Variants in LAMA2 observed in about 807,000 individuals in gnomAD.
The protein encoded by LAMA2 is laminin subunit alpha 2, also known as laminin subunit alpha-2.
In LAMA2, 269 loss-of-function variants were observed where a neutral mutation model predicts 364.8. The observed-to-expected ratio is 0.74, with a 90% CI of 0.67 to 0.82. The LOEUF is 0.82. LAMA2 is among the 40% of genes least tolerant of loss of function. LAMA2 has a pLI of 0.00. For missense variants in LAMA2, 3,807 were observed against 3,873.2 expected, an observed-to-expected ratio of 0.98 and a Z score of 0.45; for synonymous variants, 1,379 against 1,370.6, an observed-to-expected ratio of 1.01 and a Z score of -0.14.
rs1393087449 is a variant in LAMA2, at chr6:129,393,035, G to T, written c.5235-10G>T. On this transcript the variant is annotated splice_polypyrimidine_tract_variant and intron_variant, in intron 36 of 64. Coordinates refer to ENST00000421865, the MANE Select transcript of LAMA2 (RefSeq NM_000426.4). Reference sequence around the variant, plus strand: ...CTCATTGTCTATTATTGGGCTGGGGGTGGTTACAGAGCTGCAGAAGCCCTT... The same window carrying T: ...CTCATTGTCTATTATTGGGCTGGGGTTGGTTACAGAGCTGCAGAAGCCCTT... 2 of 1,610,796 alleles carry T rather than the reference G, an allele frequency of 1.2e-6. No individual in the cohort carries two copies. Among genetic ancestry groups the T allele is most frequent in the Non-Finnish European group, 8.5e-7 (1 of 1,178,132 alleles).
intron 1 of LAMA2, among the ~76,000 whole-genome samples, chr6:129,037,862 G>A (rs1786772240): frequency 6.6e-6 from 1 of 151,790 alleles, no homozygotes. Flanking sequence ...GTAGAGACAG[G>A]GTTTCACCGT....
chr6:129,103,312 T>C lies in LAMA2; in HGVS notation c.639+4897T>C, dbSNP rs1011575951. 3.3e-5 allele frequency among the ~76,000 whole-genome samples: 5 copies of C among 152,344 alleles called. No homozygotes were observed. In the Middle Eastern group the frequency reaches 0.01, roughly 311 times the overall value. On this transcript the variant is annotated intron_variant, in intron 4 of 64. Coordinates refer to ENST00000421865, the MANE Select transcript of LAMA2 (RefSeq NM_000426.4). ...TTTAATTTTTTTTATTTTGGAATTA[T>C]GTTAAGTTTACACACATGTATGAAG... is the stretch of plus-strand genomic sequence containing the variant.
intron 55 of LAMA2, among the ~76,000 whole-genome samples, chr6:129,483,322 G>A (rs116244437): frequency 0.012 from 1,766 of 151,894 alleles, 27 homozygotes; most frequent in African/African-American, 0.04. Context: ...TATTTTGACT[G>A]CACTGATCTT....
intron 17 of LAMA2, among the ~76,000 whole-genome samples, chr6:129,276,392 G>A (rs1788330400): frequency 6.6e-6 from 1 of 152,018 alleles, no homozygotes; most frequent in Admixed American, 6.6e-5. Context: ...ACAATCCCAA[G>A]AAGCAATTCA....
intron 1 of LAMA2, among the ~76,000 whole-genome samples, chr6:129,025,215 CT>C (rs1785727135): frequency 6.6e-6 from 1 of 152,098 alleles, no homozygotes; most frequent in Non-Finnish European, 1.5e-5. Context: ...TGTACTTCCA[CT>C]TTTTTACATA....
At chr6:129,301,891 T>G (rs1186154951) in intron 22 of LAMA2, among the ~76,000 whole-genome samples, 1 of 152,150 alleles carries the variant, frequency 6.6e-6, no homozygotes, top group Non-Finnish European at 1.5e-5. Flanking sequence ...GTAGTCTGTT[T>G]TTTTGAGGGG....
intron 61 of LAMA2, 128 bp from the exon 62 acceptor site, chr6:129,507,360 TG>T: frequency 1.1e-6 from 1 of 948,310 alleles, no homozygotes. Context: ...CAGGCAGCTT[TG>T]GGGGATATCC....
chr6:129,343,540 G>A (rs1414805089), intron 30 of LAMA2, among the ~76,000 whole-genome samples: 1 of 152,090 alleles, frequency 6.6e-6, no homozygotes, highest in African/African-American at 2.4e-5. Flanking sequence ...GTATGTGTAT[G>A]AAAAATAACA....
chr6:129,097,679 G>A (rs1024873053), intron 3 of LAMA2, among the ~76,000 whole-genome samples: 2 of 152,178 alleles, frequency 1.3e-5, no homozygotes, highest in Non-Finnish European at 2.9e-5. Context: ...TCTGAACATA[G>A]GAATGTGTTT....
At chr6:129,400,370 A>C (rs1320341664) in intron 37 of LAMA2, among the ~76,000 whole-genome samples, 1 of 152,188 alleles carries the variant, frequency 6.6e-6, no homozygotes, top group African/African-American at 2.4e-5. Context: ...AGTGATCAAC[A>C]TGGGATCCAA....
chr6:129,096,335 G>A (rs1433270712), intron 3 of LAMA2, among the ~76,000 whole-genome samples: 1 of 152,024 alleles, frequency 6.6e-6, no homozygotes, highest in East Asian at 1.9e-4. Context: ...TTATTTAAAA[G>A]TAAAACATTT....
chr6:129,287,721 G>T, intron 18 of LAMA2, 126 bp from the exon 19 acceptor site: 1 of 840,064 alleles, frequency 1.2e-6, no homozygotes, highest in Admixed American at 1.7e-5. Context: ...ATCACGTTGC[G>T]TTTGAGAAAA....
chr6:128,908,551 G>A lies in LAMA2; in HGVS notation c.112+25194G>A, dbSNP rs1489779726. Among the ~76,000 whole-genome samples, 745 of 139,120 alleles carry A rather than the reference G, an allele frequency of 5.4e-3. 11 individuals carry two copies. Among genetic ancestry groups the A allele is most frequent in the African/African-American group, 0.019 (705 of 36,514 alleles). 91.3% of individuals were successfully genotyped at this position (139,120 alleles called of 152,430 possible). A position where few individuals can be genotyped will look rare whatever the true frequency, so the allele number is the denominator to read the frequency against. ...TTTTTTCTTTATTAGTCTTGCTAGC[G>A]GTCTATCAATTTTGTTGATCCTTTC... On this transcript the variant is annotated intron_variant, in intron 1 of 64. Transcript: ENST00000421865.
intron 29 of LAMA2, among the ~76,000 whole-genome samples, chr6:129,331,448 G>A (rs1259097576): frequency 3.3e-5 from 5 of 151,900 alleles, no homozygotes; most frequent in Non-Finnish European, 4.4e-5. Context: ...TTTAGAAGCT[G>A]TCAGAAGAGA....
intron 19 of LAMA2, among the ~76,000 whole-genome samples, chr6:129,290,976 A>G (rs1040806188): frequency 6.6e-6 from 1 of 152,190 alleles, no homozygotes; most frequent in Non-Finnish European, 1.5e-5. Flanking sequence ...TAAAAAAGGC[A>G]TAAATATTTC....
rs1447191467 is a variant in LAMA2, at chr6:129,013,144, AT to A, written c.113-36770del. On this transcript the variant is annotated intron_variant, in intron 1 of 64. Coordinates refer to ENST00000421865, the MANE Select transcript of LAMA2 (RefSeq NM_000426.4). ...TATATGATTACATTTTTATTTAAAA[AT>A]TTTGAATAGGCTGGGTGTGGTGGCT... Among the ~76,000 whole-genome samples, 4 of 152,336 alleles carry A rather than the reference AT, an allele frequency of 2.6e-5. No homozygotes were observed. In the East Asian group the frequency reaches 7.7e-4, roughly 29 times the overall value.
intron 8 of LAMA2, among the ~76,000 whole-genome samples, chr6:129,163,028 C>T (rs1055681260): frequency 4.6e-5 from 7 of 152,238 alleles, no homozygotes; most frequent in South Asian, 4.1e-4. Context: ...TTCAAGCTTA[C>T]CTTGCTTGAT....
chr6:129,413,730 A>T (rs545774370), intron 40 of LAMA2, among the ~76,000 whole-genome samples: 2 of 152,326 alleles, frequency 1.3e-5, no homozygotes, highest in South Asian at 4.1e-4. Flanking sequence ...ATGGAAATAA[A>T]ATTTCACCTC....
At position 129,050,078 on chromosome 6, in the gene LAMA2, C is replaced by G; in HGVS notation, c.273C>G (p.Ser91Arg). Residue 91 changes from serine to arginine, a missense_variant, in exon 2 of 65, where the codon AGC becomes AGG. Ser to Arg is a moderately radical substitution (Grantham distance 110). Around this residue, in one of 3 missense-constraint regions of LAMA2, gnomAD observed 394 missense variants for 403.5 expected, o/e 0.98. Transcript: ENST00000421865. ...GTCGAATCTGCAATCAAAACAGCAG[C>G]AATCCAAACCGTATGTATTTTAGTG... The part of the protein sequence containing the change: ...PQCRICNQNS[S>R]NPNQRHPITN... The G allele has an allele frequency of 6.2e-7, 1 of 1,614,156 alleles. No homozygotes were observed. The highest frequency in any genetic ancestry group is 2.2e-5 in the East Asian group (1 of 44,882).
Sources: allele counts gnomAD v4.1 joint callset (sites outside exome capture counted in the v4.1 genomes callset), GRCh38; gene constraint gnomAD v4.1.1; regional missense constraint gnomAD v4.1.1; transcripts MANE v1.5; gene names NCBI Gene and HGNC (gene_info 2026-07-23, HGNC 2026-07-21).